Variants in SPAG16 observed in about 807,000 individuals in gnomAD.
SPAG16 encodes sperm-associated antigen 16 protein.
Under a neutral mutation model 80.4 loss-of-function variants are expected in SPAG16, and 86 were observed. That is an observed-to-expected ratio of 1.07 (90% CI 0.90 to 1.28). The LOEUF is 1.28. SPAG16 is among the 50% of genes most tolerant of loss of function. SPAG16 has a pLI of 0.00. For synonymous variants in SPAG16, 294 were observed against 265.9 expected (o/e 1.11, Z -1.03); for missense variants, 870 against 765.3 (o/e 1.14, Z -1.61).
intron 13 of SPAG16, among the ~76,000 whole-genome samples, chr2:214,025,460 C>T (rs1312790972): frequency 6.6e-6 from 1 of 151,504 alleles, no homozygotes; most frequent in Non-Finnish European, 1.5e-5. Flanking sequence ...ACATTCAACC[C>T]ATTAAAACTT....
intron 10 of SPAG16, among the ~76,000 whole-genome samples, chr2:213,622,958 G>A (rs1188570458): frequency 6.6e-6 from 1 of 152,162 alleles, no homozygotes; most frequent in Admixed American, 6.5e-5. Flanking sequence ...CACACATGGA[G>A]TGTGTGTGAA....
Position 214,330,320 on chromosome 2 carries a change from C to T in SPAG16, c.1721-79820C>T, listed in dbSNP as rs538821134. On this transcript the variant is annotated intron_variant, in intron 15 of 15. Transcript: ENST00000331683. Reference sequence around the variant, plus strand: ...AAGAAATAAAGAAAATTGTATGGCACGGCACAAACACAGCTAGAACTTTTA... The same window carrying T: ...AAGAAATAAAGAAAATTGTATGGCATGGCACAAACACAGCTAGAACTTTTA... Among the ~76,000 whole-genome samples, 64 of 151,040 alleles carry T rather than the reference C, an allele frequency of 4.2e-4. 1 individual carries two copies. The highest frequency in any genetic ancestry group is 1.9e-3 in the Admixed American group (29 of 15,142).
chr2:213,758,552 A>C (rs2068470891), intron 10 of SPAG16, among the ~76,000 whole-genome samples: 1 of 152,146 alleles, frequency 6.6e-6, no homozygotes, highest in Non-Finnish European at 1.5e-5. Context: ...CAACAACTTA[A>C]ATAAAAAATT....
At chr2:213,667,279 G>C (rs2063642896) in intron 10 of SPAG16, among the ~76,000 whole-genome samples, 1 of 152,146 alleles carries the variant, frequency 6.6e-6, no homozygotes, top group Non-Finnish European at 1.5e-5. Context: ...TAGATCACTA[G>C]GAAATTCAGG....
In SPAG16 at chr2:213,364,110, A is replaced by C. The variant is rs2066145525; in HGVS notation, c.797A>C (p.Gln266Pro). Residue 266 changes from glutamine to proline, a missense_variant, in exon 8 of 16, where the codon CAA (glutamine) becomes CCA (proline). Transcript: ENST00000331683. ...SGLQETLKKL[Q>P]RGHSYHGPQI... ...CTTCAAGAAACATTGAAGAAACTGCAAAGAGGACATAGTTACCATGGTCCT... is the reference window on the plus strand; with the variant it reads ...CTTCAAGAAACATTGAAGAAACTGCCAAGAGGACATAGTTACCATGGTCCT... The C allele has an allele frequency of 2.6e-6, 4 of 1,527,874 alleles. No homozygotes were observed. Among genetic ancestry groups the C allele is most frequent in the Non-Finnish European group, 2.6e-6 (3 of 1,141,164 alleles). 94.6% of individuals were successfully genotyped at this position (1,527,874 alleles called of 1,614,324 possible). A position where few individuals can be genotyped will look rare whatever the true frequency, so the allele number is the denominator to read the frequency against.
At chr2:214,270,886 A>G (rs976266930) in intron 15 of SPAG16, among the ~76,000 whole-genome samples, 7 of 152,186 alleles carry the variant, frequency 4.6e-5, no homozygotes, top group Admixed American at 2.6e-4. Flanking sequence ...AATAATGATC[A>G]TATTCAGTAG....
At chr2:213,735,102 A>T (rs2067225895) in intron 10 of SPAG16, among the ~76,000 whole-genome samples, 1 of 152,104 alleles carries the variant, frequency 6.6e-6, no homozygotes. Flanking sequence ...CCTTCCCCAT[A>T]AACCAGTTTT....
At chr2:214,368,796 C>T (rs1221047997) in intron 15 of SPAG16, among the ~76,000 whole-genome samples, 1 of 152,110 alleles carries the variant, frequency 6.6e-6, no homozygotes, top group Non-Finnish European at 1.5e-5. Context: ...CATAATCACA[C>T]CATGGACCTT....
intron 7 of SPAG16, among the ~76,000 whole-genome samples, chr2:213,361,082 GA>G (rs1284813118): frequency 2.0e-5 from 3 of 152,016 alleles, no homozygotes; most frequent in Admixed American, 1.3e-4. Context: ...ATGAAAGAGT[GA>G]AAACACACTG....
rs1287416739 is a variant in SPAG16, at chr2:213,448,243, A to G, written c.943-41720A>G. Among the ~76,000 whole-genome samples the G allele has an allele frequency of 4.6e-5, 7 of 152,388 alleles. No individual in the cohort carries two copies. The East Asian group carries it at 1.3e-3, about 29-fold the overall frequency. On this transcript the variant is annotated intron_variant, in intron 9 of 15. Transcript: ENST00000331683. ...ATACTTCTGATTTCTCTATCACACC[A>G]TATTCCTACAACGAGACTAATCATT...
intron 12 of SPAG16, among the ~76,000 whole-genome samples, chr2:213,962,197 GT>G (rs1428699030): frequency 1.6e-3 from 226 of 141,404 alleles, no homozygotes; most frequent in Non-Finnish European, 1.7e-3. Flanking sequence ...CTTTTTTTAT[GT>G]TTTTTTTTTT....
At chr2:214,113,069 C>T (rs1459491738) in intron 14 of SPAG16, among the ~76,000 whole-genome samples, 1 of 152,080 alleles carries the variant, frequency 6.6e-6, no homozygotes, top group Non-Finnish European at 1.5e-5. Context: ...TTTTATTTCT[C>T]CTTCATTTAT....
chr2:213,348,206 C>G (rs1432905629), intron 6 of SPAG16, among the ~76,000 whole-genome samples: 2 of 151,946 alleles, frequency 1.3e-5, no homozygotes, highest in Non-Finnish European at 2.9e-5. Flanking sequence ...GGATTGCAAC[C>G]CCTGCTTTTT....
chr2:214,092,506 A>AAT lies in SPAG16; in HGVS notation c.1528-15675_1528-15674dup, dbSNP rs59378417. On this transcript the variant is annotated intron_variant, in intron 13 of 15. Transcript: ENST00000331683. ...CTGTGTTACTATGAATATATATATA[A>AAT]ATATATATATATATATGGCCCTTTA... Among the ~76,000 whole-genome samples the AAT allele has an allele frequency of 1.3e-3, 192 of 147,818 alleles. 2 individuals are homozygous for AAT. Among genetic ancestry groups the AAT allele is most frequent in the Middle Eastern group, 7.1e-3 (2 of 280 alleles).
chr2:214,054,428 A>T (rs1252357619), intron 13 of SPAG16, among the ~76,000 whole-genome samples: 1 of 152,228 alleles, frequency 6.6e-6, no homozygotes, highest in Admixed American at 6.5e-5. Flanking sequence ...AATTGTTCTT[A>T]TCAGAAGTTC....
chr2:213,658,839 C>T (rs950756253), intron 10 of SPAG16, among the ~76,000 whole-genome samples: 1 of 152,146 alleles, frequency 6.6e-6, no homozygotes, highest in Non-Finnish European at 1.5e-5. Flanking sequence ...GAGATGAGAC[C>T]ATCCTGGCCA....
At chr2:213,703,073 T>C (rs1411266593) in intron 10 of SPAG16, among the ~76,000 whole-genome samples, 2 of 152,242 alleles carry the variant, frequency 1.3e-5, no homozygotes, top group Non-Finnish European at 2.9e-5. Context: ...GACGTTTTAA[T>C]GGTCAGTACA....
At position 213,962,844 on chromosome 2, in the gene SPAG16, T is replaced by C. The variant is rs1045925090; in HGVS notation, c.1400+32699T>C. Among the ~76,000 whole-genome samples, 8 of 152,306 alleles carry C rather than the reference T, an allele frequency of 5.3e-5. 1 individual carries two copies. The South Asian group carries it at 1.7e-3, about 32-fold the overall frequency. ...CTAAGTTGTCTATCATAGTACTTTG[T>C]CTTTTAAAAAAATTTCTGTAAGATT... On this transcript the variant is annotated intron_variant, in intron 12 of 15. Transcript: ENST00000331683.
chr2:213,816,456 G>A (rs2072542616), intron 10 of SPAG16, among the ~76,000 whole-genome samples: 2 of 151,962 alleles, frequency 1.3e-5, no homozygotes, highest in South Asian at 4.1e-4. Context: ...CTAGATCGTA[G>A]GACATGCACA....
Sources: allele counts gnomAD v4.1 joint callset (sites outside exome capture counted in the v4.1 genomes callset), GRCh38; gene constraint gnomAD v4.1.1; transcripts MANE v1.5; gene names NCBI Gene and HGNC (gene_info 2026-07-23, HGNC 2026-07-21).